Variants in WNK2 observed in about 807,000 individuals in gnomAD.
WNK2 encodes the protein WNK lysine deficient protein kinase 2.
Under a neutral mutation model 192.1 loss-of-function variants are expected in WNK2, and 67 were observed. That is an observed-to-expected ratio of 0.35 (90% CI 0.29 to 0.43). The LOEUF (loss-of-function observed/expected upper bound fraction) is 0.43, where lower values mean the gene tolerates loss of function less well. Ranked by LOEUF, WNK2 falls within the 20% of genes least tolerant of loss-of-function variation. The pLI, the probability that WNK2 is intolerant of heterozygous loss-of-function variation, is 1.00. For missense variants in WNK2, 2,698 were observed against 3,089.7 expected (o/e 0.87, Z 3.01); for synonymous variants, 1,439 against 1,393.9 (o/e 1.03, Z -0.72).
rs76655544 is a variant in WNK2, at chr9:93,242,966, G to A, written c.1542+2990G>A. 1.2e-4 allele frequency among the ~76,000 whole-genome samples: 18 copies of A among 152,296 alleles called. No individual in the cohort carries two copies. In the East Asian group the frequency reaches 3.5e-3, roughly 29 times the overall value. The stretch of plus-strand genomic sequence containing the variant: ...AATGTGGTTATGCTTGGTCAGTGCT[G>A]GGGGGACAGGGTACGAGGGACCAGG... On this transcript the variant is annotated intron_variant, in intron 7 of 29. Transcript: ENST00000427277.
At chr9:93,265,906 C>G (rs1462430074) in intron 16 of WNK2, among the ~76,000 whole-genome samples, 1 of 152,240 alleles carries the variant, frequency 6.6e-6, no homozygotes, top group Admixed American at 6.5e-5. Flanking sequence ...ATGGGGCTAT[C>G]TTTAGCTGTG....
At chr9:93,201,999 G>A (rs1832452534) in intron 2 of WNK2, among the ~76,000 whole-genome samples, 1 of 152,214 alleles carries the variant, frequency 6.6e-6, no homozygotes, top group South Asian at 2.1e-4. Context: ...CTTTCCACCT[G>A]GAAACCAGGC....
At chr9:93,203,829 G>A (rs1451552160) in intron 2 of WNK2, among the ~76,000 whole-genome samples, 1 of 152,150 alleles carries the variant, frequency 6.6e-6, no homozygotes, top group African/African-American at 2.4e-5. Flanking sequence ...TGTGGTGATT[G>A]AAGCCGGGGG....
At position 93,257,738 on chromosome 9, in the gene WNK2, G is replaced by A. The variant is rs1843538977; in HGVS notation, c.2382+599G>A. Among the ~76,000 whole-genome samples the A allele has an allele frequency of 6.6e-6, 1 of 152,234 alleles. No individual in the cohort carries two copies. Among genetic ancestry groups the A allele is most frequent in the Admixed American group, 6.5e-5 (1 of 15,286 alleles). ...TCCAAAGCCAGCCTGTGGCATTGCT[G>A]ACTGCAGGAAAGCCCAGCCAGCAAG... On this transcript the variant is annotated intron_variant, in intron 11 of 29. Coordinates refer to ENST00000427277, the MANE Select transcript of WNK2 (RefSeq NM_006648.4). The surrounding 1 kb of genome is among the most constrained non-coding windows in gnomAD (Gnocchi z 4.7).
intron 8 of WNK2, among the ~76,000 whole-genome samples, chr9:93,251,220 A>G (rs1588183109): frequency 6.6e-6 from 1 of 151,992 alleles, no homozygotes; most frequent in Non-Finnish European, 1.5e-5. Flanking sequence ...GGTTCAAGCT[A>G]TTCTCCTGCC....
chr9:93,291,702 G>A (rs1849384012), intron 21 of WNK2, among the ~76,000 whole-genome samples: 1 of 152,234 alleles, frequency 6.6e-6, no homozygotes, highest in South Asian at 2.1e-4. Context: ...ACGGCGCATA[G>A]GTCTGGCTCA....
chr9:93,266,487 G>A (rs1478541153), intron 16 of WNK2, among the ~76,000 whole-genome samples: 1 of 152,154 alleles, frequency 6.6e-6, no homozygotes, highest in Admixed American at 6.5e-5. Context: ...AGTTGCAAAG[G>A]GGTTCTAGTT....
intron 18 of WNK2, 24 bp downstream of exon 18, chr9:93,268,089 G>A (rs1470456170): frequency 6.2e-7 from 1 of 1,600,342 alleles, no homozygotes; most frequent in South Asian, 1.1e-5. Flanking sequence ...TTCCCTCCCT[G>A]CTTTTAAGCA....
rs201220086 is a variant in WNK2, at chr9:93,319,163, T to G, written c.6629-1204T>G. On this transcript the variant is annotated intron_variant, in intron 29 of 29. Coordinates refer to ENST00000427277, the MANE Select transcript of WNK2 (RefSeq NM_006648.4). ...GTGGTCAGTGGCACGGAATCCCCAA[T>G]AGATTGTATATCTGAAGGAGAAAAA... 233 of 1,613,286 alleles carry G rather than the reference T, an allele frequency of 1.4e-4. No individual in the cohort carries two copies. The African/African-American group carries it at 2.2e-3, about 15-fold the overall frequency.
At chr9:93,184,457 C>A (rs867668812) in intron 1 of WNK2, among the ~76,000 whole-genome samples, 72 bp downstream of exon 1, 1 of 151,574 alleles carries the variant, frequency 6.6e-6, no homozygotes, top group Non-Finnish European at 1.5e-5. Flanking sequence ...AGCCCCCTCC[C>A]CGCGCGCCCC....
At chr9:93,287,879 G>A (rs1354010654) in intron 19 of WNK2, among the ~76,000 whole-genome samples, 1 of 152,066 alleles carries the variant, frequency 6.6e-6, no homozygotes, top group East Asian at 1.9e-4. Context: ...TGGGCAACAT[G>A]GTGAAACCCA....
chr9:93,286,088 A>G lies in WNK2; in HGVS notation c.4034-2700A>G, dbSNP rs115716018. On this transcript the variant is annotated intron_variant, in intron 19 of 29. Transcript: ENST00000427277. ...CCTAGAAGTAATAAGAGGCAGTATC[A>G]TTATGGCCCCCACGTAGAACACATA... Among the ~76,000 whole-genome samples the G allele has an allele frequency of 8.6e-3, 1,305 of 152,346 alleles. 23 individuals carry two copies. Among genetic ancestry groups the G allele is most frequent in the African/African-American group, 0.03 (1,234 of 41,566 alleles).
intron 16 of WNK2, among the ~76,000 whole-genome samples, chr9:93,264,970 TGGCTTCGTG>T (rs1844917885): frequency 6.6e-6 from 1 of 152,228 alleles, no homozygotes; most frequent in South Asian, 2.1e-4. Flanking sequence ...ACCCCTGCCC[TGGCTTCGTG>T]AAAGCCTCAT....
At chr9:93,220,165 G>C (rs541392213) in intron 2 of WNK2, among the ~76,000 whole-genome samples, 1 of 152,192 alleles carries the variant, frequency 6.6e-6, no homozygotes, top group Non-Finnish European at 1.5e-5. Flanking sequence ...CAGAGCCCAC[G>C]AGGGTGTACA....
In WNK2 at chr9:93,229,892, G is replaced by A. The variant is rs1466492431; in HGVS notation, c.854+24G>A. 2 of 1,608,306 alleles carry A rather than the reference G, an allele frequency of 1.2e-6. No individual in the cohort carries two copies. Among genetic ancestry groups the A allele is most frequent in the African/African-American group, 1.3e-5 (1 of 74,982 alleles). On this transcript the variant is annotated intron_variant, in intron 3 of 29. Coordinates refer to ENST00000427277, the MANE Select transcript of WNK2 (RefSeq NM_006648.4). This position sits in a 1 kb window ranked among gnomAD's most constrained non-coding sequence, Gnocchi z 4.9. Reference sequence around the variant, plus strand: ...ACGTAAGCTCCGCTTCCTGAGGGCTGGGGCGGGTCCTGGCATGGGTGCAGG... The same window carrying A: ...ACGTAAGCTCCGCTTCCTGAGGGCTAGGGCGGGTCCTGGCATGGGTGCAGG...
rs985939924 is a variant in WNK2, at chr9:93,298,188, C to T, written c.5923+121C>T. The T allele has an allele frequency of 7.4e-6, 8 of 1,076,632 alleles. No individual in the cohort carries two copies. In the African/African-American group the frequency reaches 9.4e-5, roughly 13 times the overall value. The allele number at this position is 1,076,632 out of a possible 1,614,324, so 66.7% of individuals were successfully genotyped here. On this transcript the variant is annotated intron_variant, in intron 24 of 29. Coordinates refer to ENST00000427277, the MANE Select transcript of WNK2 (RefSeq NM_006648.4). ...CCTGGAAGACCACTCGGGGTTATCTCCTTACTGAATCTCCTTTCCCTGGAG... is the reference window on the plus strand; with the variant it reads ...CCTGGAAGACCACTCGGGGTTATCTTCTTACTGAATCTCCTTTCCCTGGAG...
Position 93,185,438 on chromosome 9 carries a change from G to A in WNK2, c.509G>A (p.Arg170Gln). The A allele has an allele frequency of 6.2e-7, 1 of 1,612,028 alleles. No homozygotes were observed. The highest frequency in any genetic ancestry group is 8.5e-7 in the Non-Finnish European group (1 of 1,179,606). Residue 170 changes from arginine to glutamine, a missense_variant, in exon 2 of 30, where the codon CGG (arginine) becomes CAG (glutamine). By Grantham distance (43) the Arg-to-Gln change is conservative. This residue lies in a region of WNK2 where 260 missense variants were observed against 285.6 expected (regional missense o/e 0.91). Coordinates refer to ENST00000427277, the MANE Select transcript of WNK2 (RefSeq NM_006648.4). ...EAKPEPGRTR[R>Q]DEPEEEEDDE... Reference sequence around the variant, plus strand: ...AAGCCTGAGCCCGGGCGCACTCGCCGGGACGAGCCCGAAGAGGAGGAGGAC... The same window carrying A: ...AAGCCTGAGCCCGGGCGCACTCGCCAGGACGAGCCCGAAGAGGAGGAGGAC...
Position 93,185,212 on chromosome 9 carries a change from GC to G in WNK2, c.288del (p.Ala97ArgfsTer6). 2 of 1,165,546 alleles carry G rather than the reference GC, an allele frequency of 1.7e-6. No homozygotes were observed. Among genetic ancestry groups the G allele is most frequent in the South Asian group, 4.1e-5 (1 of 24,486 alleles). 72.2% of individuals were successfully genotyped at this position (1,165,546 alleles called of 1,614,324 possible). On this transcript the variant is annotated frameshift_variant, in exon 2 of 30. Transcript: ENST00000427277. LOFTEE classifies it high-confidence loss of function. Reference sequence around the variant, plus strand: ...GGAGCGCGCCCGCGGACGCCCCGCCGCCCCCGCGCCCGCAGCGCTGGTAGCG... The same window carrying G: ...GGAGCGCGCCCGCGGACGCCCCGCCGCCCCGCGCCCGCAGCGCTGGTAGCG... ...IAERARGRPA[A>X]PAPAALVAQP...
intron 19 of WNK2, among the ~76,000 whole-genome samples, chr9:93,285,934 G>C (rs1490138902): frequency 6.6e-6 from 1 of 152,138 alleles, no homozygotes. Flanking sequence ...GTGGAGACCG[G>C]GTGGTCTTCT....
Sources: allele counts gnomAD v4.1 joint callset (sites outside exome capture counted in the v4.1 genomes callset), GRCh38; gene constraint gnomAD v4.1.1; regional missense constraint gnomAD v4.1.1; non-coding constraint Gnocchi (gnomAD v3.1); transcripts MANE v1.5; gene names NCBI Gene and HGNC (gene_info 2026-07-23, HGNC 2026-07-21).